TNPO3: variants seen among roughly 807,000 people sequenced by gnomAD.
TNPO3 encodes the protein transportin-3.
A neutral mutation model predicts 122.8 loss-of-function variants in TNPO3; 65 were observed. That is an observed-to-expected ratio of 0.53 (90% CI 0.43 to 0.65). TNPO3 has a LOEUF of 0.65. Among genes scored for constraint, TNPO3 ranks in the 30% least tolerant of loss-of-function variants. The pLI, the probability that TNPO3 is intolerant of heterozygous loss-of-function variation, is 0.00. For synonymous variants in TNPO3, 372 were observed against 411.2 expected, an observed-to-expected ratio of 0.90 and a Z score of 1.15; for missense variants, 850 against 1,136.7, an observed-to-expected ratio of 0.75 and a Z score of 3.63.
intron 16 of TNPO3, among the ~76,000 whole-genome samples, chr7:128,976,136 T>C (rs932443716): frequency 6.6e-6 from 1 of 152,204 alleles, no homozygotes; most frequent in African/African-American, 2.4e-5. Flanking sequence ...TTCCAACCCT[T>C]TGACCTTTCA....
At position 129,018,056 on chromosome 7, in the gene TNPO3, T is replaced by C. The variant is rs369506776; in HGVS notation, c.222A>G (p.Ser74=). 8 of 1,614,092 alleles carry C rather than the reference T, an allele frequency of 5.0e-6. No homozygotes were observed. Among genetic ancestry groups the C allele is most frequent in the Admixed American group, 1.7e-5 (1 of 60,006 alleles). The change falls in exon 2 of 23, where the codon TCA becomes TCG. Residue 74 remains serine (S), a synonymous_variant. Coordinates refer to ENST00000265388, the MANE Select transcript of TNPO3 (RefSeq NM_012470.4). ...GAGAGTCTGTGGGGAGCTCATAAAA[T>C]GAGGTCTGAATCTTCATTTTCATGG... ...AQTMKMKIQT[S]FYELPTDSHA... is the part of the protein sequence containing the mutation.
At chr7:129,002,607 T>C (rs987317606) in intron 5 of TNPO3, among the ~76,000 whole-genome samples, 1 of 152,198 alleles carries the variant, frequency 6.6e-6, no homozygotes, top group Non-Finnish European at 1.5e-5. Flanking sequence ...ATTCTCATTA[T>C]ATTACCAAGT....
intron 1 of TNPO3, among the ~76,000 whole-genome samples, chr7:129,028,030 G>C (rs1805466198): frequency 6.6e-6 from 1 of 152,036 alleles, no homozygotes; most frequent in South Asian, 2.1e-4. Context: ...AACAGCAAAA[G>C]GGAAACTAGA....
chr7:128,962,000 T>C (rs1447360661), intron 21 of TNPO3, among the ~76,000 whole-genome samples: 1 of 152,222 alleles, frequency 6.6e-6, no homozygotes, highest in South Asian at 2.1e-4. Context: ...TAGGTTCATC[T>C]GGCATTTGGA....
In TNPO3 at chr7:128,976,023, T is replaced by C. The variant is rs531850614; in HGVS notation, c.2062-88A>G. 5.8e-5 allele frequency: 52 copies of C among 900,866 alleles called. No homozygotes were observed. The South Asian group carries it at 6.8e-4, about 12-fold the overall frequency. The allele number at this position is 900,866 out of a possible 1,614,324, so 55.8% of individuals were successfully genotyped here. On this transcript the variant is annotated intron_variant, in intron 16 of 22. Transcript: ENST00000265388. ...CTGTCTCCAGGAAGAAATTCAGAGA[T>C]AGATTGGCTTCTTCTCTTTAAGGCA...
chr7:128,997,547 A>C lies in TNPO3; in HGVS notation c.1012-12T>G. On this transcript the variant is annotated splice_polypyrimidine_tract_variant and intron_variant, in intron 7 of 22. Transcript: ENST00000265388. ...GAAATTTCTACTACCTGTTAGGTTAAAAGAGATGATTTATTTGAATGGGAA... is the reference window on the plus strand; with the variant it reads ...GAAATTTCTACTACCTGTTAGGTTACAAGAGATGATTTATTTGAATGGGAA... 1 of 1,608,812 alleles carries C rather than the reference A, an allele frequency of 6.2e-7. No individual in the cohort carries two copies. Among genetic ancestry groups the C allele is most frequent in the Non-Finnish European group, 8.5e-7 (1 of 1,175,610 alleles).
intron 1 of TNPO3, among the ~76,000 whole-genome samples, chr7:129,047,946 C>A (rs1180297243): frequency 6.6e-6 from 1 of 152,218 alleles, no homozygotes; most frequent in Non-Finnish European, 1.5e-5. Flanking sequence ...CTTGGCCAGG[C>A]ACAGTGACTC....
At chr7:129,020,253 G>C (rs1804325881) in intron 1 of TNPO3, among the ~76,000 whole-genome samples, 1 of 151,440 alleles carries the variant, frequency 6.6e-6, no homozygotes, top group African/African-American at 2.4e-5. Context: ...GTACTTTTTA[G>C]TCCAAACATC....
intron 11 of TNPO3, 133 bp downstream of exon 11, chr7:128,989,828 T>C: frequency 1.1e-6 from 1 of 947,932 alleles, no homozygotes. Context: ...TACAACATAT[T>C]GTTTACTCTC....
chr7:129,030,640 A>G (rs1334585208), intron 1 of TNPO3: 1 of 152,116 alleles, frequency 6.6e-6, no homozygotes, highest in African/African-American at 2.4e-5. Flanking sequence ...TATGGGTCAC[A>G]CATTATTTGT....
intron 1 of TNPO3, among the ~76,000 whole-genome samples, chr7:129,039,667 C>T (rs1271881443): frequency 6.6e-6 from 1 of 152,160 alleles, no homozygotes; most frequent in Non-Finnish European, 1.5e-5. Context: ...AAAGTGGAAA[C>T]AGTCCCAATG....
chr7:129,012,775 G>A (rs1803361208), intron 4 of TNPO3, among the ~76,000 whole-genome samples: 1 of 152,042 alleles, frequency 6.6e-6, no homozygotes, highest in Non-Finnish European at 1.5e-5. Flanking sequence ...TTTCTATAAA[G>A]AACCAGATAA....
At position 129,035,150 on chromosome 7, in the gene TNPO3, T is replaced by C. The variant is rs1010199375; in HGVS notation, c.121-16993A>G. ...TTAGCCGGGCGCGGTGGCGGGTGCC[T>C]GTAGTCCCAGCTACTCGGGAGGCTG... is the stretch of plus-strand genomic sequence containing the variant. On this transcript the variant is annotated intron_variant, in intron 1 of 22. Transcript: ENST00000265388. Among the ~76,000 whole-genome samples, 4 of 151,820 alleles carry C rather than the reference T, an allele frequency of 2.6e-5. 1 individual carries two copies. In the South Asian group the frequency reaches 8.3e-4, roughly 32 times the overall value.
chr7:128,984,149 C>A lies in TNPO3; in HGVS notation c.1782+19G>T. 1 of 1,485,198 alleles carries A rather than the reference C, an allele frequency of 6.7e-7. No homozygotes were observed. Among genetic ancestry groups the A allele is most frequent in the Non-Finnish European group, 9.2e-7 (1 of 1,088,512 alleles). The allele number at this position is 1,485,198 out of a possible 1,614,324, so 92.0% of individuals were successfully genotyped here. ...TAAACATCTTATATTTGTTTCACAC[C>A]TTCCTTAATTGGACTTACCTTTTTC... On this transcript the variant is annotated intron_variant, in intron 13 of 22. Coordinates refer to ENST00000265388, the MANE Select transcript of TNPO3 (RefSeq NM_012470.4).
rs776819798 is a variant in TNPO3, at chr7:128,967,400, G to A, written c.2599-8C>T. ...TAACCATCGACAAAAAGTCTGTATA[G>A]GAAAGAGGGGTAAGAGTTTTAAAAG... On this transcript the variant is annotated splice_polypyrimidine_tract_variant and splice_region_variant and intron_variant, in intron 20 of 22. Coordinates refer to ENST00000265388, the MANE Select transcript of TNPO3 (RefSeq NM_012470.4). 6.4e-7 allele frequency: 1 copy of A among 1,574,280 alleles called. No homozygotes were observed. The highest frequency in any genetic ancestry group is 8.7e-7 in the Non-Finnish European group (1 of 1,143,976).
At chr7:128,997,349 G>T in intron 8 of TNPO3, 40 bp downstream of exon 8, 2 of 1,606,146 alleles carry the variant, frequency 1.2e-6, no homozygotes, top group South Asian at 2.2e-5. Flanking sequence ...CTGACAAGAG[G>T]AAGAAATTAA....
At chr7:128,973,735 CAAAAAAAA>C (rs71162544) in intron 18 of TNPO3, among the ~76,000 whole-genome samples, 2 of 5,270 alleles carry the variant, frequency 3.8e-4, no homozygotes, top group Non-Finnish European at 5.5e-4. Flanking sequence ...GACTCCGTCT[CAAAAAAAA>C]AAAAAAAAAA....
chr7:128,973,763 G>GAAA (rs1798745929), intron 18 of TNPO3, among the ~76,000 whole-genome samples: 1 of 24,872 alleles, frequency 4.0e-5, no homozygotes, highest in Non-Finnish European at 7.0e-5. Flanking sequence ...AAAAAAAAAA[G>GAAA]AAAACAGAGG....
intron 1 of TNPO3, among the ~76,000 whole-genome samples, chr7:129,052,404 A>G (rs1233301197): frequency 1.3e-5 from 2 of 152,342 alleles, no homozygotes; most frequent in East Asian, 3.9e-4. Context: ...TTAACCGTTC[A>G]GCTATAGGTT....
Sources: allele counts gnomAD v4.1 joint callset (sites outside exome capture counted in the v4.1 genomes callset), GRCh38; gene constraint gnomAD v4.1.1; transcripts MANE v1.5; gene names NCBI Gene and HGNC (gene_info 2026-07-23, HGNC 2026-07-21).